Variants in UTY observed in about 807,000 individuals in gnomAD.
UTY encodes the protein histone demethylase UTY.
Under a neutral mutation model 32.5 loss-of-function variants are expected in UTY, and 12 were observed. That is an observed-to-expected ratio of 0.37 (90% CI 0.24 to 0.60). UTY has a LOEUF of 0.60. Among genes scored for constraint, UTY ranks in the 20% least tolerant of loss-of-function variants. UTY has a pLI of 0.69. For missense variants in UTY, 303 were observed against 299.2 expected, an observed-to-expected ratio of 1.01 and a Z score of -0.09; for synonymous variants, 131 against 103.4, an observed-to-expected ratio of 1.27 and a Z score of -1.62.
rs1370339299 is a variant in UTY, at chrY:13,358,528, G to T, written c.1412C>A (p.Thr471Asn). ...LQQSLSLHMI[T>N]SSQVEGLSSP... is the part of the protein sequence containing the mutation. ...GGACAGGCCTTCTACTTGGCTAGAA[G>T]TAATCATGTGTAGTGACAAGGATTG... Residue 471 changes from threonine (T) to asparagine (N), a missense_variant, in exon 14 of 30, where the codon ACT (threonine) becomes AAT (asparagine). Transcript: ENST00000545955. 40 of 376,063 alleles carry T rather than the reference G, an allele frequency of 1.1e-4. No individual in the cohort carries two copies. Among genetic ancestry groups the T allele is most frequent in the Non-Finnish European group, 1.5e-4 (40 of 272,227 alleles). The allele number at this position is 376,063 out of a possible 400,897, so 93.8% of individuals were successfully genotyped here. A position where few individuals can be genotyped will look rare whatever the true frequency, so the allele number is the denominator to read the frequency against.
At chrY:13,295,881 C>T in intron 27 of UTY, among the ~76,000 whole-genome samples, 1 of 34,265 alleles carries the variant, frequency 2.9e-5, no homozygotes, top group Non-Finnish European at 7.3e-5. Context: ...GCTCCACTCA[C>T]GTGGCTTTGC....
At chrY:13,402,589 C>A in intron 6 of UTY, among the ~76,000 whole-genome samples, 1 of 33,216 alleles carries the variant, frequency 3.0e-5, no homozygotes, top group East Asian at 7.9e-4. Flanking sequence ...GGGTCCCATA[C>A]CCTGTCAGCC....
At chrY:13,441,735 G>A (rs755751345) in intron 4 of UTY, among the ~76,000 whole-genome samples, 7 of 34,001 alleles carry the variant, frequency 2.1e-4, no homozygotes, top group African/African-American at 8.0e-4. Flanking sequence ...CCAAACACAT[G>A]GTAAGTGCCT....
chrY:13,417,064 CAT>C (rs2071783335), intron 4 of UTY, among the ~76,000 whole-genome samples: 1 of 34,023 alleles, frequency 2.9e-5, no homozygotes, highest in Non-Finnish European at 7.3e-5. Flanking sequence ...CACATTAGCA[CAT>C]GTCAGCACAG....
At chrY:13,422,930 A>G (rs2149766774) in intron 4 of UTY, among the ~76,000 whole-genome samples, 1 of 33,912 alleles carries the variant, frequency 2.9e-5, no homozygotes, top group Non-Finnish European at 7.3e-5. Flanking sequence ...ACTATCATCA[A>G]ACAGACTGGA....
intron 8 of UTY, among the ~76,000 whole-genome samples, chrY:13,379,711 G>A: frequency 3.3e-5 from 1 of 30,117 alleles, no homozygotes; most frequent in Admixed American, 3.2e-4. Context: ...GTTTCTCACA[G>A]TGAATAATGA....
chrY:13,295,300 C>T, intron 27 of UTY, among the ~76,000 whole-genome samples: 2 of 32,575 alleles, frequency 6.1e-5, no homozygotes, highest in Admixed American at 5.5e-4. Flanking sequence ...TTTTTAGTAA[C>T]AACTCTATCA....
At chrY:13,323,024 A>G in intron 21 of UTY, 1 of 203,001 alleles carries the variant, frequency 4.9e-6, no homozygotes, top group Non-Finnish European at 6.0e-6. Flanking sequence ...AAAAAATTCC[A>G]AAAATAAGGT....
chrY:13,443,408 C>T, intron 4 of UTY, among the ~76,000 whole-genome samples: 1 of 33,554 alleles, frequency 3.0e-5, no homozygotes, highest in Non-Finnish European at 7.4e-5. Flanking sequence ...AGAATTGTCA[C>T]AGGTTAAATA....
intron 21 of UTY, among the ~76,000 whole-genome samples, chrY:13,313,299 C>A: frequency 3.0e-5 from 1 of 33,653 alleles, no homozygotes; most frequent in Non-Finnish European, 7.4e-5. Context: ...TTGCCCAGGC[C>A]TTTTCTGGGC....
chrY:13,245,944 T>G (rs1033638635), downstream of UTY, among the ~76,000 whole-genome samples: 5 of 33,319 alleles, frequency 1.5e-4, no homozygotes, highest in African/African-American at 2.4e-4. Context: ...GAAGTGTGAA[T>G]GTAGATGACT....
chrY:13,476,369 T>A (rs961942099), intron 2 of UTY, among the ~76,000 whole-genome samples: 5 of 33,804 alleles, frequency 1.5e-4, no homozygotes, highest in Admixed American at 1.4e-3. Context: ...GAAATGAAGT[T>A]CTACAGGTTA....
At chrY:13,401,839 C>A (rs2069173390) in intron 6 of UTY, among the ~76,000 whole-genome samples, 1 of 32,683 alleles carries the variant, frequency 3.1e-5, no homozygotes, top group Non-Finnish European at 7.5e-5. Context: ...CCACTGCACT[C>A]CAGCCAGGGT....
At chrY:13,359,723 A>G in intron 12 of UTY, 44 bp downstream of exon 12, 2 of 321,360 alleles carry the variant, frequency 6.2e-6, no homozygotes, top group Admixed American at 2.0e-4. Context: ...CAATTATTAT[A>G]GGAATATACG....
intron 3 of UTY, among the ~76,000 whole-genome samples, chrY:13,455,297 C>T (rs2076700906): frequency 1.2e-4 from 4 of 32,155 alleles, no homozygotes; most frequent in African/African-American, 4.9e-4. Flanking sequence ...TATTTTAACA[C>T]AAAACTTTAA....
At position 13,437,236 on chromosome Y, in the gene UTY, A is replaced by G. The variant is rs954008731; in HGVS notation, c.375+11781T>C. ...GGCGTCTTAGGTCCAGTGGTTCCCG[A>G]GCTCTGCAAATGCCGCTCAGAGAGA... On this transcript the variant is annotated intron_variant, in intron 4 of 29. Transcript: ENST00000545955. 1.5e-4 allele frequency among the ~76,000 whole-genome samples: 5 copies of G among 32,707 alleles called. No homozygotes were observed. The South Asian group carries it at 3.5e-3, about 23-fold the overall frequency. 87.7% of individuals were successfully genotyped at this position (32,707 alleles called of 37,273 possible).
At chrY:13,343,175 G>A in intron 17 of UTY, among the ~76,000 whole-genome samples, 2 of 32,913 alleles carry the variant, frequency 6.1e-5, no homozygotes, top group Admixed American at 2.7e-4. Context: ...GTATTGGCCC[G>A]TGGCATGTTT....
At chrY:13,471,570 C>T (rs765747300) in intron 2 of UTY, among the ~76,000 whole-genome samples, 1 of 33,653 alleles carries the variant, frequency 3.0e-5, no homozygotes, top group South Asian at 6.5e-4. Flanking sequence ...AAGGGGTAAT[C>T]GCAGCAACTT....
intron 28 of UTY, among the ~76,000 whole-genome samples, chrY:13,241,065 C>G: frequency 3.1e-5 from 1 of 31,879 alleles, no homozygotes; most frequent in Non-Finnish European, 7.6e-5. Flanking sequence ...CTTTGGGAAG[C>G]TGAAGTGAGA....
Sources: gnomAD v4.1 joint callset for allele counts (sites outside exome capture counted in the v4.1 genomes callset) on GRCh38, gnomAD v4.1.1 for gene constraint, MANE v1.5 for transcripts, NCBI Gene and HGNC (gene_info 2026-07-23, HGNC 2026-07-21) for gene names.